Variants in LMNTD1 observed in about 807,000 individuals in gnomAD.
LMNTD1 encodes lamin tail domain-containing protein 1.
Under a neutral mutation model 50.9 loss-of-function variants are expected in LMNTD1, and 35 were observed. That is an observed-to-expected ratio of 0.69 (90% CI 0.53 to 0.91). The LOEUF (loss-of-function observed/expected upper bound fraction) is 0.91. Ranked by LOEUF, LMNTD1 falls within the 40% of genes least tolerant of loss-of-function variation. LMNTD1 has a pLI of 0.00. For synonymous variants in LMNTD1, 153 were observed against 161.9 expected, an observed-to-expected ratio of 0.94 and a Z score of 0.42; for missense variants, 470 against 475.5, an observed-to-expected ratio of 0.99 and a Z score of 0.11.
rs1170229739 is a variant in LMNTD1 at position 25,476,230 on chromosome 12, A to G, written c.*253T>C. On this transcript the variant is annotated 3_prime_UTR_variant, in exon 10 of 10. Transcript: ENST00000458174. The stretch of plus-strand genomic sequence containing the variant: ...TTTTATCCATTGAATAATACTAACC[A>G]TCTGCTTGTTTTCTGCAGGGATTTG... 2 of 152,244 alleles carry G rather than the reference A, an allele frequency of 1.3e-5. No homozygotes were observed. Among genetic ancestry groups the G allele is most frequent in the East Asian group, 1.9e-4 (1 of 5,196 alleles). 9.4% of individuals were successfully genotyped at this position (152,244 alleles called of 1,614,324 possible). A position where few individuals can be genotyped will look rare whatever the true frequency, so the allele number is the denominator to read the frequency against.
At chr12:25,619,250 C>A (rs77013595) in intron 1 of LMNTD1, among the ~76,000 whole-genome samples, 941 of 78,856 alleles carry the variant, frequency 0.012, 5 homozygotes, top group African/African-American at 0.037. Flanking sequence ...CTCTCTCTCT[C>A]TCTATATATA....
chr12:25,607,183 C>G (rs966748181), intron 1 of LMNTD1, among the ~76,000 whole-genome samples: 1 of 152,136 alleles, frequency 6.6e-6, no homozygotes, highest in Non-Finnish European at 1.5e-5. Context: ...GCGATATCCT[C>G]TTTATCGTTT....
chr12:25,575,145 A>G (rs1441052894), intron 1 of LMNTD1, among the ~76,000 whole-genome samples: 1 of 152,126 alleles, frequency 6.6e-6, no homozygotes, highest in Non-Finnish European at 1.5e-5. Flanking sequence ...TCAGCTACCA[A>G]GAAAAAAAGC....
At chr12:25,489,162 C>G (rs1370378086) in intron 9 of LMNTD1, among the ~76,000 whole-genome samples, 4 of 152,104 alleles carry the variant, frequency 2.6e-5, no homozygotes, top group Admixed American at 6.5e-5. Context: ...CCACCCAGTT[C>G]GAGCTTCCCG....
chr12:25,480,659 T>A (rs1443490852), intron 9 of LMNTD1, among the ~76,000 whole-genome samples: 1 of 152,242 alleles, frequency 6.6e-6, no homozygotes, highest in African/African-American at 2.4e-5. Flanking sequence ...CAGAATTGAA[T>A]GCCTGATTAT....
chr12:25,491,586 C>G (rs1184875607), intron 9 of LMNTD1, among the ~76,000 whole-genome samples: 1 of 152,242 alleles, frequency 6.6e-6, no homozygotes, highest in African/African-American at 2.4e-5. Context: ...CAAATTCTCT[C>G]TATTGCCCCA....
intron 1 of LMNTD1, among the ~76,000 whole-genome samples, chr12:25,646,846 T>C (rs567915939): frequency 6.6e-6 from 1 of 152,340 alleles, no homozygotes; most frequent in Non-Finnish European, 1.5e-5. Flanking sequence ...TTGCCAGCAA[T>C]GTTGCTTTCA....
intron 9 of LMNTD1, among the ~76,000 whole-genome samples, chr12:25,490,743 A>G (rs1938855777): frequency 6.6e-6 from 1 of 152,170 alleles, no homozygotes; most frequent in Non-Finnish European, 1.5e-5. Context: ...AAGAATCTAT[A>G]AAGATACTGT....
intron 3 of LMNTD1, among the ~76,000 whole-genome samples, chr12:25,547,636 G>C (rs575656833): frequency 6.7e-6 from 1 of 149,794 alleles, no homozygotes; most frequent in South Asian, 2.1e-4. Context: ...ATTTTGCTGA[G>C]AAAAAAAAAG....
At chr12:25,564,213 T>C (rs1167296891) in intron 1 of LMNTD1, among the ~76,000 whole-genome samples, 1 of 152,156 alleles carries the variant, frequency 6.6e-6, no homozygotes, top group Non-Finnish European at 1.5e-5. Context: ...ATCTTCTGCA[T>C]CACTCACGCT....
At chr12:25,604,992 C>T (rs1021735576) in intron 1 of LMNTD1, among the ~76,000 whole-genome samples, 2 of 152,314 alleles carry the variant, frequency 1.3e-5, no homozygotes, top group East Asian at 1.9e-4. Context: ...TATTTCTCCA[C>T]ATCCTCTCCA....
At chr12:25,539,828 C>T (rs1159569063) in intron 4 of LMNTD1, among the ~76,000 whole-genome samples, 1 of 143,790 alleles carries the variant, frequency 7.0e-6, no homozygotes, top group Non-Finnish European at 1.5e-5. Flanking sequence ...AGACCGCTAG[C>T]AAGACTAATA....
chr12:25,537,570 T>A (rs2047628581), intron 4 of LMNTD1, among the ~76,000 whole-genome samples: 1 of 152,026 alleles, frequency 6.6e-6, no homozygotes, highest in Non-Finnish European at 1.5e-5. Context: ...AAAACCCATC[T>A]GTACATCACC....
At chr12:25,516,653 T>A (rs1386206656) in intron 8 of LMNTD1, among the ~76,000 whole-genome samples, 1 of 152,076 alleles carries the variant, frequency 6.6e-6, no homozygotes, top group Admixed American at 6.5e-5. Context: ...CAGAACCATA[T>A]CTTTACAGAT....
At chr12:25,560,477 G>T (rs1944256168) in intron 1 of LMNTD1, among the ~76,000 whole-genome samples, 1 of 152,196 alleles carries the variant, frequency 6.6e-6, no homozygotes, top group Non-Finnish European at 1.5e-5. Flanking sequence ...CAGGTAGCAT[G>T]ATGCCTCCAG....
At chr12:25,525,877 G>T (rs1941669921) in intron 6 of LMNTD1, among the ~76,000 whole-genome samples, 1 of 152,024 alleles carries the variant, frequency 6.6e-6, no homozygotes, top group Non-Finnish European at 1.5e-5. Context: ...GGTTATCCAT[G>T]TAACCAAACA....
Position 25,519,586 on chromosome 12 carries a change from T to TAAAAAAAAAAAA in LMNTD1, c.1016+271_1016+272insTTTTTTTTTTTT, listed in dbSNP as rs781742784. 1.5e-3 allele frequency among the ~76,000 whole-genome samples: 116 copies of TAAAAAAAAAAAA among 74,910 alleles called. 17 individuals are homozygous for TAAAAAAAAAAAA. The highest frequency in any genetic ancestry group is 8.6e-3 in the East Asian group (17 of 1,986). 49.1% of individuals were successfully genotyped at this position (74,910 alleles called of 152,430 possible). On this transcript the variant is annotated intron_variant, in intron 7 of 9. Coordinates refer to ENST00000458174, the MANE Select transcript of LMNTD1 (RefSeq NM_001145728.2). ...CTGGGTGACAGAGCGAGACTCTGTC[T>TAAAAAAAAAAAA]CAAAAAAAAAAAAAAAAAAAAAGTG...
intron 1 of LMNTD1, among the ~76,000 whole-genome samples, chr12:25,610,378 G>A (rs1460696865): frequency 2.6e-5 from 4 of 152,070 alleles, no homozygotes; most frequent in Non-Finnish European, 5.9e-5. Context: ...AGATGAACCA[G>A]GTACCTCAGT....
At chr12:25,487,612 T>C (rs1215272741) in intron 9 of LMNTD1, among the ~76,000 whole-genome samples, 1 of 129,292 alleles carries the variant, frequency 7.7e-6, no homozygotes, top group Non-Finnish European at 1.6e-5. Context: ...TGTCTTTTAA[T>C]TGGAGAATTT....
Sources: gnomAD v4.1 joint callset for allele counts (sites outside exome capture counted in the v4.1 genomes callset) on GRCh38, gnomAD v4.1.1 for gene constraint, MANE v1.5 for transcripts, NCBI Gene and HGNC (gene_info 2026-07-23, HGNC 2026-07-21) for gene names.